Variants in LASP1 observed in about 807,000 individuals in gnomAD.
The protein encoded by LASP1 is LIM and SH3 domain protein 1.
In LASP1, 10 loss-of-function variants were observed where a neutral mutation model predicts 38.6. The observed-to-expected ratio is 0.26, with a 90% CI of 0.16 to 0.44. The LOEUF (loss-of-function observed/expected upper bound fraction) is 0.44, where lower values mean the gene tolerates loss of function less well. LASP1 is among the 20% of genes least tolerant of loss of function. LASP1 has a pLI of 1.00. For synonymous variants in LASP1, 132 were observed against 140.8 expected (o/e 0.94, Z 0.44); for missense variants, 243 against 375.7 (o/e 0.65, Z 2.92).
chr17:38,916,399 A>G (rs1915127353), intron 6 of LASP1: 1 of 151,202 alleles, frequency 6.6e-6, no homozygotes, highest in South Asian at 2.1e-4. Context: ...CTGTCTACCA[A>G]AAATACAAAA....
intron 5 of LASP1, 41 bp from the exon 6 acceptor site, chr17:38,915,002 G>A: frequency 6.3e-7 from 1 of 1,595,344 alleles, no homozygotes; most frequent in Non-Finnish European, 8.6e-7. Flanking sequence ...GGCTGGGTTT[G>A]GCAGGACAGT....
chr17:38,900,574 G>A (rs1914615556), intron 4 of LASP1, among the ~76,000 whole-genome samples: 1 of 152,104 alleles, frequency 6.6e-6, no homozygotes, highest in African/African-American at 2.4e-5. Context: ...TTGGGAGGCT[G>A]AGACAGAAGA....
At chr17:38,909,030 A>G (rs1914851923) in intron 4 of LASP1, among the ~76,000 whole-genome samples, 2 of 152,314 alleles carry the variant, frequency 1.3e-5, no homozygotes, top group South Asian at 4.1e-4. Context: ...CGGATCAGGA[A>G]AAGGCAGGCC....
chr17:38,914,501 A>G, intron 5 of LASP1, 26 bp downstream of exon 5: 1 of 1,575,002 alleles, frequency 6.3e-7, no homozygotes. Flanking sequence ...GTTGGTGCAG[A>G]TGACCTGAGG....
chr17:38,909,138 C>G (rs1472015126), intron 4 of LASP1, among the ~76,000 whole-genome samples: 2 of 152,210 alleles, frequency 1.3e-5, no homozygotes, highest in African/African-American at 4.8e-5. Flanking sequence ...TGGGAAGGAC[C>G]AGTTTCTCTC....
Position 38,878,074 on chromosome 17 carries a change from C to T in LASP1, c.70-12C>T. ...TGGTATCTGATGTATGTCCTCCTGT[C>T]TCCATCCCCAGTTCTGGCATAAAGC... On this transcript the variant is annotated splice_polypyrimidine_tract_variant and intron_variant, in intron 1 of 6. Coordinates refer to ENST00000318008, the MANE Select transcript of LASP1 (RefSeq NM_006148.4). The T allele has an allele frequency of 6.2e-7, 1 of 1,603,452 alleles. No homozygotes were observed. Among genetic ancestry groups the T allele is most frequent in the Non-Finnish European group, 8.5e-7 (1 of 1,170,338 alleles).
chr17:38,892,474 G>A, intron 3 of LASP1, among the ~76,000 whole-genome samples: 1 of 152,192 alleles, frequency 6.6e-6, no homozygotes. Context: ...CTGTGGAAGG[G>A]CCATGGGGGC....
chr17:38,910,673 C>T (rs1368439960), intron 4 of LASP1, among the ~76,000 whole-genome samples: 1 of 151,546 alleles, frequency 6.6e-6, no homozygotes, highest in Non-Finnish European at 1.5e-5. Context: ...CTGGAAGGCC[C>T]CAGAACCCGC....
At chr17:38,870,822 G>C (rs1018835702) in intron 1 of LASP1, among the ~76,000 whole-genome samples, 3 of 152,184 alleles carry the variant, frequency 2.0e-5, no homozygotes, top group South Asian at 2.1e-4. Flanking sequence ...AAGGACCCGG[G>C]CTCTGCCGCA....
intron 3 of LASP1, 63 bp from the exon 4 acceptor site, chr17:38,898,348 GC>G: frequency 8.2e-7 from 1 of 1,222,716 alleles, no homozygotes; most frequent in Middle Eastern, 2.1e-4. Context: ...CCTCAGAGGG[GC>G]CCCAAGCCGA....
At chr17:38,871,707 G>T (rs369244554) in intron 1 of LASP1, among the ~76,000 whole-genome samples, 1 of 152,070 alleles carries the variant, frequency 6.6e-6, no homozygotes, top group Admixed American at 6.5e-5. Context: ...AAAGATATTT[G>T]AACTTGCTCT....
chr17:38,895,720 A>G (rs575021991), intron 3 of LASP1, among the ~76,000 whole-genome samples: 1 of 152,308 alleles, frequency 6.6e-6, no homozygotes, highest in East Asian at 1.9e-4. Context: ...TCTGCATTCA[A>G]TTCATTCATG....
At chr17:38,892,687 G>A (rs1343569757) in intron 3 of LASP1, among the ~76,000 whole-genome samples, 2 of 152,234 alleles carry the variant, frequency 1.3e-5, no homozygotes, top group Non-Finnish European at 1.5e-5. Flanking sequence ...TCCCCGAGGG[G>A]TGGGGTTTGA....
Position 38,920,293 on chromosome 17 carries a change from C to T in LASP1, c.*1515C>T. 1 of 403,002 alleles carries T rather than the reference C, an allele frequency of 2.5e-6. No homozygotes were observed. Among genetic ancestry groups the T allele is most frequent in the South Asian group, 2.5e-5 (1 of 40,272 alleles). The allele number at this position is 403,002 out of a possible 1,614,324, so 25.0% of individuals were successfully genotyped here. On this transcript the variant is annotated 3_prime_UTR_variant, in exon 7 of 7. Transcript: ENST00000318008. ...TGGGTGTCTCCCTCGGGGGCTCTTCCCCTAGACCTCCCCCTCACTTACATA... is the reference window on the plus strand; with the variant it reads ...TGGGTGTCTCCCTCGGGGGCTCTTCTCCTAGACCTCCCCCTCACTTACATA...
intron 4 of LASP1, among the ~76,000 whole-genome samples, chr17:38,901,632 A>G (rs113418342): frequency 0.04 from 6,130 of 152,216 alleles, 384 homozygotes; most frequent in African/African-American, 0.14. Context: ...AGCATGTTAG[A>G]CACATTCCCT....
At position 38,919,617 on chromosome 17, in the gene LASP1, C is replaced by T; in HGVS notation, c.*839C>T. ...TGCCTCCTAGGCTGGAAGCCATGGT[C>T]CCGAAGTGTAGGGCAAGGGTGCCTC... On this transcript the variant is annotated 3_prime_UTR_variant, in exon 7 of 7. Transcript: ENST00000318008. 1 of 286,780 alleles carries T rather than the reference C, an allele frequency of 3.5e-6. No homozygotes were observed. Among genetic ancestry groups the T allele is most frequent in the East Asian group, 4.9e-5 (1 of 20,338 alleles). The allele number at this position is 286,780 out of a possible 1,614,324, so 17.8% of individuals were successfully genotyped here.
At chr17:38,878,606 C>G (rs1242649262) in intron 2 of LASP1, among the ~76,000 whole-genome samples, 1 of 152,110 alleles carries the variant, frequency 6.6e-6, no homozygotes, top group Non-Finnish European at 1.5e-5. Flanking sequence ...TTCTGTTTAC[C>G]TTCCCTTATT....
At position 38,919,466 on chromosome 17, in the gene LASP1, G is replaced by A. The variant is rs1915235332; in HGVS notation, c.*688G>A. The A allele has an allele frequency of 4.1e-6, 1 of 242,626 alleles. No individual in the cohort carries two copies. The highest frequency in any genetic ancestry group is 2.2e-5 in the African/African-American group (1 of 45,620). 15.0% of individuals were successfully genotyped at this position (242,626 alleles called of 1,614,324 possible). A position where few individuals can be genotyped will look rare whatever the true frequency, so the allele number is the denominator to read the frequency against. On this transcript the variant is annotated 3_prime_UTR_variant, in exon 7 of 7. Coordinates refer to ENST00000318008, the MANE Select transcript of LASP1 (RefSeq NM_006148.4). Reference sequence around the variant, plus strand: ...CAGCGGGCAAAGAGCTCCCGAGGAAGCACAGCTTGGGTCAGGTTCTTGCCT... The same window carrying A: ...CAGCGGGCAAAGAGCTCCCGAGGAAACACAGCTTGGGTCAGGTTCTTGCCT...
At chr17:38,890,702 A>T (rs1388145668) in intron 3 of LASP1, among the ~76,000 whole-genome samples, 198 bp downstream of exon 3, 1 of 151,940 alleles carries the variant, frequency 6.6e-6, no homozygotes, top group African/African-American at 2.4e-5. Context: ...CCCACTTCCT[A>T]CCTAGAGGGG....
Sources: allele counts gnomAD v4.1 joint callset (sites outside exome capture counted in the v4.1 genomes callset), GRCh38; gene constraint gnomAD v4.1.1; transcripts MANE v1.5; gene names NCBI Gene and HGNC (gene_info 2026-07-23, HGNC 2026-07-21).